The following CDK17 variants were observed in gnomAD, a reference collection of about 807,000 sequenced individuals.
CDK17 encodes cyclin-dependent kinase 17.
A neutral mutation model predicts 77.6 loss-of-function variants in CDK17; 24 were observed. The observed-to-expected ratio is 0.31, with a 90% CI of 0.22 to 0.44. The LOEUF is 0.44. Ranked by LOEUF, CDK17 falls within the 20% of genes least tolerant of loss-of-function variation. CDK17 has a pLI of 1.00. For missense variants in CDK17, 429 were observed against 622.5 expected (o/e 0.69, Z 3.31); for synonymous variants, 203 against 210.4 (o/e 0.96, Z 0.30).
At chr12:96,382,356 TAAAAAA>T (rs34300589) in intron 1 of CDK17, among the ~76,000 whole-genome samples, 2 of 134,016 alleles carry the variant, frequency 1.5e-5, no homozygotes, top group African/African-American at 5.5e-5. Context: ...AATCAGTAAT[TAAAAAA>T]AAAAAAAAAA....
chr12:96,311,366 G>T (rs766581524), intron 4 of CDK17, among the ~76,000 whole-genome samples, 189 bp from the exon 5 acceptor site: 2 of 151,836 alleles, frequency 1.3e-5, no homozygotes, highest in Non-Finnish European at 2.9e-5. Flanking sequence ...AAAGTATACA[G>T]CGAAGTGTTA....
intron 1 of CDK17, among the ~76,000 whole-genome samples, chr12:96,361,964 G>C (rs980738734): frequency 6.6e-6 from 1 of 152,100 alleles, no homozygotes; most frequent in Non-Finnish European, 1.5e-5. Flanking sequence ...TCTTCTTCTA[G>C]TAACTGATTT....
chr12:96,284,822 C>G (rs953880739), intron 13 of CDK17, among the ~76,000 whole-genome samples: 5 of 152,018 alleles, frequency 3.3e-5, no homozygotes, highest in Admixed American at 2.0e-4. Context: ...CCTTGGCCCC[C>G]CTAAAGTGCT....
At chr12:96,301,144 CA>C (rs1307455293) in intron 5 of CDK17, among the ~76,000 whole-genome samples, 1 of 146,630 alleles carries the variant, frequency 6.8e-6, no homozygotes, top group Non-Finnish European at 1.5e-5. Context: ...ATGAAAAAGA[CA>C]ACTGAAAATC....
intron 1 of CDK17, among the ~76,000 whole-genome samples, chr12:96,371,956 A>T (rs1418098689): frequency 1.3e-5 from 2 of 151,884 alleles, no homozygotes; most frequent in Non-Finnish European, 2.9e-5. Flanking sequence ...TTTGCTTATC[A>T]TGTTAAAAAG....
chr12:96,379,174 A>C (rs1351135916), intron 1 of CDK17, among the ~76,000 whole-genome samples: 1 of 152,192 alleles, frequency 6.6e-6, no homozygotes, highest in Non-Finnish European at 1.5e-5. Context: ...ATTTCAAGTC[A>C]AACTCAGTTG....
chr12:96,399,496 C>G (rs761707721), intron 1 of CDK17: 6 of 152,162 alleles, frequency 3.9e-5, no homozygotes, highest in Non-Finnish European at 8.8e-5. Context: ...CTGCAGGCGC[C>G]GCGACCGCCG....
rs147826693 is a variant in CDK17, at chr12:96,295,966, G to T, written c.874-844C>A. Among the ~76,000 whole-genome samples, 353 of 152,226 alleles carry T rather than the reference G, an allele frequency of 2.3e-3. 1 individual carries two copies. The highest frequency in any genetic ancestry group is 7.7e-3 in the African/African-American group (318 of 41,542). ...AGTTCATCTGTAGGTGAAAAACAGG[G>T]CATCCGAACACTGAGGCAGCCAAGG... On this transcript the variant is annotated intron_variant, in intron 9 of 16. Transcript: ENST00000261211.
chr12:96,340,708 A>C (rs1293085051), intron 1 of CDK17, among the ~76,000 whole-genome samples: 1 of 152,220 alleles, frequency 6.6e-6, no homozygotes, highest in Admixed American at 6.5e-5. Flanking sequence ...TTTAAGGTTA[A>C]TCTTTAATAT....
chr12:96,340,951 T>C (rs373905030), intron 1 of CDK17, among the ~76,000 whole-genome samples: 5 of 152,146 alleles, frequency 3.3e-5, no homozygotes, highest in African/African-American at 1.2e-4. Flanking sequence ...AAGTAGTACG[T>C]ATAGTACCCA....
Position 96,340,248 on chromosome 12 carries a change from C to T in CDK17, c.-29-5383G>A, listed in dbSNP as rs140485218. ...TATGCGCTTCTAACTCAGAATAATA[C>T]GCATGGCACTTATTTCATCATCAAA... is the stretch of plus-strand genomic sequence containing the variant. On this transcript the variant is annotated intron_variant, in intron 1 of 16. Coordinates refer to ENST00000261211, the MANE Select transcript of CDK17 (RefSeq NM_002595.5). Among the ~76,000 whole-genome samples, 330 of 152,120 alleles carry T rather than the reference C, an allele frequency of 2.2e-3. 3 individuals are homozygous for T. The highest frequency in any genetic ancestry group is 7.5e-3 in the African/African-American group (310 of 41,504).
chr12:96,400,160 G>T lies in CDK17; in HGVS notation c.-204C>A. The T allele has an allele frequency of 2.5e-6, 1 of 394,344 alleles. No individual in the cohort carries two copies. The highest frequency in any genetic ancestry group is 1.3e-4 in the South Asian group (1 of 7,794). The allele number at this position is 394,344 out of a possible 1,614,324, so 24.4% of individuals were successfully genotyped here. ...ACAGCCGCCTTCCGGCTCTCGCCGCGGGTCCGGAGCCTCGGGAGGGGCCGC... is the reference window on the plus strand; with the variant it reads ...ACAGCCGCCTTCCGGCTCTCGCCGCTGGTCCGGAGCCTCGGGAGGGGCCGC... On this transcript the variant is annotated 5_prime_UTR_variant, in exon 1 of 17. Coordinates refer to ENST00000261211, the MANE Select transcript of CDK17 (RefSeq NM_002595.5).
rs1035297127 is a variant in CDK17, at chr12:96,390,124, G to A, written c.-30+9862C>T. On this transcript the variant is annotated intron_variant, in intron 1 of 16. Coordinates refer to ENST00000261211, the MANE Select transcript of CDK17 (RefSeq NM_002595.5). ...ATTACAAGTGTGAGACAGCGCGCCCGGCTGAAAAGAGGTATAATTTAAAAC... is the reference window on the plus strand; with the variant it reads ...ATTACAAGTGTGAGACAGCGCGCCCAGCTGAAAAGAGGTATAATTTAAAAC... Among the ~76,000 whole-genome samples, 4 of 149,764 alleles carry A rather than the reference G, an allele frequency of 2.7e-5. No homozygotes were observed. In the East Asian group the frequency reaches 6.0e-4, roughly 23 times the overall value.
intron 10 of CDK17, among the ~76,000 whole-genome samples, chr12:96,291,497 G>T (rs368334010): frequency 6.6e-6 from 1 of 151,992 alleles, no homozygotes; most frequent in African/African-American, 2.4e-5. Context: ...TTGCCATATT[G>T]CCCAGACTGG....
chr12:96,302,158 G>A (rs997072190), intron 5 of CDK17, among the ~76,000 whole-genome samples: 5 of 151,970 alleles, frequency 3.3e-5, no homozygotes, highest in East Asian at 1.9e-4. Context: ...TAAGTCCTTC[G>A]CTTTCTAGTA....
chr12:96,303,730 G>C (rs1488167848), intron 5 of CDK17, among the ~76,000 whole-genome samples: 2 of 151,932 alleles, frequency 1.3e-5, no homozygotes, highest in Admixed American at 1.3e-4. Flanking sequence ...AGAATTCACT[G>C]TAACTTGTAA....
rs974968555 is a variant in CDK17 at position 96,400,292 on chromosome 12, G to A, written c.-336C>T. ...CGGAGCAGCCGGGCGCGAGCGCGGC[G>A]GGCGCCGACGGCGGGCTGAGACTGT... is the stretch of plus-strand genomic sequence containing the variant. On this transcript the variant is annotated 5_prime_UTR_variant, in exon 1 of 17. Transcript: ENST00000261211. 1.8e-5 allele frequency: 7 copies of A among 390,586 alleles called. No individual in the cohort carries two copies. Among genetic ancestry groups the A allele is most frequent in the Non-Finnish European group, 3.2e-5 (7 of 220,866 alleles). 24.2% of individuals were successfully genotyped at this position (390,586 alleles called of 1,614,324 possible).
intron 12 of CDK17, 36 bp downstream of exon 12, chr12:96,286,628 G>T: frequency 2.1e-6 from 3 of 1,431,926 alleles, no homozygotes; most frequent in Non-Finnish European, 3.0e-6. Flanking sequence ...GTCAATTATG[G>T]GTGCAAAATC....
rs139873681 is a variant in CDK17 at position 96,387,699 on chromosome 12, C to A, written c.-30+12287G>T. 3.0e-3 allele frequency among the ~76,000 whole-genome samples: 449 copies of A among 152,178 alleles called. 11 individuals carry two copies. The highest frequency in any genetic ancestry group is 0.029 in the East Asian group (148 of 5,182). On this transcript the variant is annotated intron_variant, in intron 1 of 16. Coordinates refer to ENST00000261211, the MANE Select transcript of CDK17 (RefSeq NM_002595.5). ...GCTCACACCTGTAATCCCAGCGCTT[C>A]GGGAGGCCGAGGCTCGAGAATCACT...
Sources: allele counts gnomAD v4.1 joint callset (sites outside exome capture counted in the v4.1 genomes callset), GRCh38; gene constraint gnomAD v4.1.1; transcripts MANE v1.5; gene names NCBI Gene and HGNC (gene_info 2026-07-23, HGNC 2026-07-21).